Variants in ATP9A observed in about 807,000 individuals in gnomAD.
ATP9A encodes probable phospholipid-transporting ATPase IIA.
ATP9A carries 52 observed loss-of-function variants against 144.1 expected under a neutral mutation model. That is an observed-to-expected ratio of 0.36 (90% CI 0.29 to 0.45). The LOEUF (loss-of-function observed/expected upper bound fraction) is 0.45. ATP9A is among the 20% of genes least tolerant of loss of function. The pLI is 1.00. For synonymous variants in ATP9A, 582 were observed against 557.4 expected, an observed-to-expected ratio of 1.04 and a Z score of -0.62; for missense variants, 947 against 1,392.7, an observed-to-expected ratio of 0.68 and a Z score of 5.09.
intron 6 of ATP9A, among the ~76,000 whole-genome samples, chr20:51,695,222 C>T (rs893239715): frequency 2.0e-4 from 31 of 152,210 alleles, no homozygotes; most frequent in African/African-American, 5.1e-4. Flanking sequence ...GGCGTGGTGG[C>T]TCACACCTGT....
chr20:51,696,783 A>G (rs1018903922), intron 5 of ATP9A, among the ~76,000 whole-genome samples: 4 of 152,202 alleles, frequency 2.6e-5, no homozygotes, highest in African/African-American at 9.6e-5. Context: ...GCATAGCTCA[A>G]TTTCTACAGA....
At chr20:51,645,506 A>AAAAC (rs370941207) in intron 14 of ATP9A, among the ~76,000 whole-genome samples, 21 of 150,984 alleles carry the variant, frequency 1.4e-4, no homozygotes, top group East Asian at 8.0e-4. Context: ...ACTCCGTCTC[A>AAAAC]AAACAAACAA....
At chr20:51,767,147 C>G (rs1317995340) in intron 1 of ATP9A, among the ~76,000 whole-genome samples, 1 of 151,760 alleles carries the variant, frequency 6.6e-6, no homozygotes, top group African/African-American at 2.4e-5. Flanking sequence ...CGCCGCGTCT[C>G]CTGTTCCGAG....
chr20:51,639,858 G>A (rs2077311227), intron 14 of ATP9A, among the ~76,000 whole-genome samples: 1 of 152,158 alleles, frequency 6.6e-6, no homozygotes, highest in Non-Finnish European at 1.5e-5. Flanking sequence ...GGCCGAGGTG[G>A]GTGGATCACC....
At chr20:51,604,579 A>C (rs920283338) in intron 27 of ATP9A, among the ~76,000 whole-genome samples, 3 of 152,222 alleles carry the variant, frequency 2.0e-5, no homozygotes, top group Non-Finnish European at 4.4e-5. Flanking sequence ...AAAGAAAAAC[A>C]AAAACACTGT....
At position 51,721,816 on chromosome 20, in the gene ATP9A, GA is replaced by G. The variant is rs752011947; in HGVS notation, c.327+4002del. On this transcript the variant is annotated intron_variant, in intron 3 of 27. Coordinates refer to ENST00000338821, the MANE Select transcript of ATP9A (RefSeq NM_006045.3). ...ACTCCATCTCAAAAAAAAAAAAAAA[GA>G]AAAAGAAAAAAGAAAAAACAATTCT... Among the ~76,000 whole-genome samples, 96 of 136,562 alleles carry G rather than the reference GA, an allele frequency of 7.0e-4. 2 individuals are homozygous for G. Among genetic ancestry groups the G allele is most frequent in the East Asian group, 1.6e-3 (8 of 4,906 alleles). The allele number at this position is 136,562 out of a possible 152,430, so 89.6% of individuals were successfully genotyped here.
At chr20:51,727,010 C>A (rs1211321339) in intron 2 of ATP9A, among the ~76,000 whole-genome samples, 1 of 143,530 alleles carries the variant, frequency 7.0e-6, no homozygotes, top group African/African-American at 2.6e-5. Flanking sequence ...AAAGTTATGT[C>A]CAGCCAGGCG....
chr20:51,720,500 T>A (rs1358101795), intron 3 of ATP9A, among the ~76,000 whole-genome samples: 1 of 152,180 alleles, frequency 6.6e-6, no homozygotes, highest in African/African-American at 2.4e-5. Flanking sequence ...CTTTACTGCA[T>A]CAGCCCAGCT....
intron 1 of ATP9A, among the ~76,000 whole-genome samples, chr20:51,763,203 A>G (rs1240410966): frequency 1.3e-5 from 2 of 152,096 alleles, no homozygotes; most frequent in Non-Finnish European, 2.9e-5. Flanking sequence ...GATGAATTGC[A>G]GATGGGCTGG....
At chr20:51,637,249 G>A (rs148605230) in intron 15 of ATP9A, among the ~76,000 whole-genome samples, 3 of 142,706 alleles carry the variant, frequency 2.1e-5, no homozygotes, top group East Asian at 2.2e-4. Context: ...ATAGGAGGGC[G>A]AGAAAAAGCT....
intron 9 of ATP9A, among the ~76,000 whole-genome samples, chr20:51,684,012 T>A (rs1368476556): frequency 6.6e-6 from 1 of 152,122 alleles, no homozygotes; most frequent in South Asian, 2.1e-4. Context: ...GGCAAAACCC[T>A]GTCTCTACAA....
intron 3 of ATP9A, among the ~76,000 whole-genome samples, chr20:51,722,718 A>C (rs1170437704): frequency 6.6e-6 from 1 of 152,222 alleles, no homozygotes; most frequent in Admixed American, 6.5e-5. Flanking sequence ...TATGCAGTGA[A>C]CAGGGAACAC....
chr20:51,698,575 G>T lies in ATP9A; in HGVS notation c.437-1093C>A, dbSNP rs1484148977. Among the ~76,000 whole-genome samples the T allele has an allele frequency of 3.9e-5, 6 of 152,226 alleles. No individual in the cohort carries two copies. In the East Asian group the frequency reaches 1.2e-3, roughly 29 times the overall value. On this transcript the variant is annotated intron_variant, in intron 4 of 27. Transcript: ENST00000338821. ...GTATGCCAGGCGTTCTAAGGGCTGG[G>T]GATACGTGAAACTCAATTCCAGTGG...
intron 13 of ATP9A, among the ~76,000 whole-genome samples, chr20:51,668,101 GCGGAAGGGCTGGGAGTGGGCGA>G (rs1203009084): frequency 2.0e-4 from 4 of 19,772 alleles, no homozygotes; most frequent in Non-Finnish European, 4.2e-4. Flanking sequence ...GGGGGGGGGG[GCGGAAGGGCTGGGAGTGGGCGA>G]GGGGCTGGGG....
intron 1 of ATP9A, among the ~76,000 whole-genome samples, chr20:51,760,839 A>G (rs993689470): frequency 5.9e-5 from 9 of 152,118 alleles, no homozygotes; most frequent in Admixed American, 5.2e-4. Flanking sequence ...CCTGGTCAAC[A>G]TGGTGAAACC....
intron 4 of ATP9A, among the ~76,000 whole-genome samples, chr20:51,710,154 T>A (rs1939818460): frequency 6.6e-6 from 1 of 151,994 alleles, no homozygotes. Flanking sequence ...ATACAAAAAA[T>A]TAGCTGGGTG....
intron 7 of ATP9A, 30 bp downstream of exon 7, chr20:51,693,978 G>T (rs370374945): frequency 1.3e-6 from 2 of 1,592,428 alleles, no homozygotes; most frequent in African/African-American, 1.3e-5. Context: ...TAGGTTGCCC[G>T]CATGGGCTTC....
chr20:51,693,889 G>A (rs930038156), intron 7 of ATP9A, 119 bp downstream of exon 7: 26 of 845,800 alleles, frequency 3.1e-5, no homozygotes, highest in Middle Eastern at 2.3e-4. Flanking sequence ...AGGACCCCAC[G>A]CTCCCCTACT....
intron 14 of ATP9A, among the ~76,000 whole-genome samples, chr20:51,646,439 G>C (rs144301003): frequency 6.6e-6 from 1 of 152,170 alleles, no homozygotes; most frequent in Non-Finnish European, 1.5e-5. Flanking sequence ...AAGAGTCACC[G>C]GTCAGCCCTA....
Sources: allele counts gnomAD v4.1 joint callset (sites outside exome capture counted in the v4.1 genomes callset), GRCh38; gene constraint gnomAD v4.1.1; transcripts MANE v1.5; gene names NCBI Gene and HGNC (gene_info 2026-07-23, HGNC 2026-07-21).